Variants in PPP2R2C observed in about 807,000 individuals in gnomAD.
PPP2R2C encodes protein phosphatase 2 regulatory subunit Bgamma, also known as protein phosphatase 2, regulatory subunit B, gamma.
PPP2R2C carries 10 observed loss-of-function variants against 45.3 expected under a neutral mutation model. That is an observed-to-expected ratio of 0.22 (90% confidence interval 0.14 to 0.37). PPP2R2C has a LOEUF of 0.37. PPP2R2C is among the 10% of genes least tolerant of loss of function. The probability of loss-of-function intolerance (pLI) is 1.00; values close to 1 mark genes in which losing one functional copy is unlikely to be tolerated. For missense variants in PPP2R2C, 308 were observed against 619.7 expected (o/e 0.50, Z 5.34); for synonymous variants, 257 against 245.4 (o/e 1.05, Z -0.44).
chr4:6,519,135 G>C (rs1361276506), intron 2 of PPP2R2C, among the ~76,000 whole-genome samples: 1 of 152,092 alleles, frequency 6.6e-6, no homozygotes, highest in Non-Finnish European at 1.5e-5. Flanking sequence ...GCAGACTCCT[G>C]AGAGGGGAGC....
rs1200771074 is a variant in PPP2R2C, at chr4:6,330,918, T to G, written c.961-1565A>C. Among the ~76,000 whole-genome samples the G allele has an allele frequency of 6.6e-6, 1 of 151,852 alleles. No individual in the cohort carries two copies. The highest frequency in any genetic ancestry group is 1.5e-5 in the Non-Finnish European group (1 of 67,936). On this transcript the variant is annotated intron_variant, in intron 7 of 8. Coordinates refer to ENST00000382599, the MANE Select transcript of PPP2R2C (RefSeq NM_020416.4). This position sits in a 1 kb window ranked among gnomAD's most constrained non-coding sequence, Gnocchi z 7.0. ...GACCCTTGCCTTCCCCTTGGGCCCCTGGGCTGCAGCCCCACCAAGCTGAGG... is the reference window on the plus strand; with the variant it reads ...GACCCTTGCCTTCCCCTTGGGCCCCGGGGCTGCAGCCCCACCAAGCTGAGG...
chr4:6,363,206 G>C (rs1713969916), intron 5 of PPP2R2C, among the ~76,000 whole-genome samples: 1 of 152,186 alleles, frequency 6.6e-6, no homozygotes, highest in Admixed American at 6.5e-5. Flanking sequence ...GAGCAGTTGT[G>C]TGCTGGTAAC....
chr4:6,338,256 C>T (rs1330964601), intron 6 of PPP2R2C, among the ~76,000 whole-genome samples: 2 of 152,228 alleles, frequency 1.3e-5, no homozygotes, highest in Non-Finnish European at 2.9e-5. Context: ...GGAGAGCTCT[C>T]AATCAGCCGA....
intron 1 of PPP2R2C, among the ~76,000 whole-genome samples, chr4:6,428,566 T>G (rs1719456557): frequency 6.6e-6 from 1 of 152,246 alleles, no homozygotes; most frequent in African/African-American, 2.4e-5. Flanking sequence ...CCTCCTCCAT[T>G]TTTCTGGTTC....
At chr4:6,440,447 GT>G (rs1270045997) in intron 1 of PPP2R2C, among the ~76,000 whole-genome samples, 2 of 152,136 alleles carry the variant, frequency 1.3e-5, no homozygotes, top group Middle Eastern at 3.2e-3. Context: ...CAGGGCAGGT[GT>G]TGGGGGCTCT....
At position 6,328,304 on chromosome 4, in the gene PPP2R2C, T is replaced by C. The variant is rs186225637; in HGVS notation, c.1052+958A>G. Among the ~76,000 whole-genome samples the C allele has an allele frequency of 3.3e-4, 51 of 152,260 alleles. No individual in the cohort carries two copies. Among genetic ancestry groups the C allele is most frequent in the Non-Finnish European group, 5.6e-4 (38 of 68,028 alleles). On this transcript the variant is annotated intron_variant, in intron 8 of 8. Transcript: ENST00000382599. This position sits in a 1 kb window ranked among gnomAD's most constrained non-coding sequence, Gnocchi z 4.4. The stretch of plus-strand genomic sequence containing the variant: ...CAGTGTAGTCTTTATCTCCACACTG[T>C]GTATCATCTGGAGACCCACTTCTGA...
At chr4:6,355,372 G>A (rs1454068351) in intron 5 of PPP2R2C, among the ~76,000 whole-genome samples, 2 of 152,110 alleles carry the variant, frequency 1.3e-5, no homozygotes, top group Non-Finnish European at 2.9e-5. Context: ...TGATCTCATT[G>A]TTCAACTCCC....
intron 5 of PPP2R2C, among the ~76,000 whole-genome samples, chr4:6,357,551 C>T (rs1477215220): frequency 6.6e-6 from 1 of 152,210 alleles, no homozygotes. Context: ...TTTGCCCTGC[C>T]GCCCACAGCC....
intron 1 of PPP2R2C, among the ~76,000 whole-genome samples, chr4:6,424,127 G>T (rs1483819639): frequency 6.6e-6 from 1 of 152,224 alleles, no homozygotes; most frequent in Non-Finnish European, 1.5e-5. Context: ...TTAGGAGGAA[G>T]GGGCTGCCCA....
intron 5 of PPP2R2C, among the ~76,000 whole-genome samples, chr4:6,358,145 C>T (rs1000661931): frequency 6.6e-6 from 1 of 152,024 alleles, no homozygotes; most frequent in South Asian, 2.1e-4. Context: ...GAGATATAGA[C>T]CAATGGAACA....
intron 1 of PPP2R2C, among the ~76,000 whole-genome samples, chr4:6,424,369 T>C (rs1719158736): frequency 6.6e-6 from 1 of 152,200 alleles, no homozygotes; most frequent in Non-Finnish European, 1.5e-5. Context: ...TTAAATCTTA[T>C]AGGCGGTGCT....
At chr4:6,326,185 T>C (rs1283719168) in intron 8 of PPP2R2C, among the ~76,000 whole-genome samples, 1 of 152,070 alleles carries the variant, frequency 6.6e-6, no homozygotes, top group African/African-American at 2.4e-5. Flanking sequence ...GTTGGCTGGC[T>C]GAGGATAATG....
intron 1 of PPP2R2C, among the ~76,000 whole-genome samples, chr4:6,392,944 C>A (rs927244802): frequency 6.6e-6 from 1 of 152,338 alleles, no homozygotes; most frequent in South Asian, 2.1e-4. Flanking sequence ...CATCCCACCC[C>A]TCATCTGCCT....
chr4:6,535,836 T>TGAGCCTGC (rs1484084585), intron 1 of PPP2R2C, among the ~76,000 whole-genome samples: 1 of 152,186 alleles, frequency 6.6e-6, no homozygotes, highest in Non-Finnish European at 1.5e-5. Context: ...GGCCAACTTC[T>TGAGCCTGC]GAGCCTGCGG....
intron 1 of PPP2R2C, among the ~76,000 whole-genome samples, chr4:6,546,968 C>T (rs1320639766): frequency 6.6e-6 from 1 of 152,148 alleles, no homozygotes; most frequent in Non-Finnish European, 1.5e-5. Flanking sequence ...GCTAACGGCC[C>T]CCAAGCACAG....
intron 1 of PPP2R2C, chr4:6,381,825 T>C: frequency 1.9e-6 from 3 of 1,613,888 alleles, no homozygotes; most frequent in Non-Finnish European, 2.5e-6. Flanking sequence ...GGCAAGTGTT[T>C]GGAGAAAAAA....
chr4:6,501,923 A>C (rs576202832), intron 2 of PPP2R2C, among the ~76,000 whole-genome samples: 1 of 152,346 alleles, frequency 6.6e-6, no homozygotes, highest in South Asian at 2.1e-4. Flanking sequence ...CCCAGCACAT[A>C]GCAGGTGCTT....
intron 5 of PPP2R2C, among the ~76,000 whole-genome samples, chr4:6,367,574 G>A (rs140980284): frequency 1.0e-3 from 152 of 152,266 alleles, no homozygotes; most frequent in African/African-American, 3.4e-3. Context: ...TCCCAGCTCC[G>A]CATGGGGTCT....
intron 2 of PPP2R2C, among the ~76,000 whole-genome samples, chr4:6,530,350 C>T (rs1724354226): frequency 1.3e-5 from 2 of 152,164 alleles, no homozygotes; most frequent in African/African-American, 2.4e-5. Flanking sequence ...TATGTAGAAG[C>T]GTGATCCGCC....
Sources: gnomAD v4.1 joint callset for allele counts (sites outside exome capture counted in the v4.1 genomes callset) on GRCh38, gnomAD v4.1.1 for gene constraint, Gnocchi (gnomAD v3.1) non-coding constraint, MANE v1.5 for transcripts, NCBI Gene and HGNC (gene_info 2026-07-23, HGNC 2026-07-21) for gene names.